Variants in PCDHGA11 observed in about 807,000 individuals in gnomAD.
PCDHGA11 encodes the protein protocadherin gamma subfamily A, 11.
Under a neutral mutation model 60.4 loss-of-function variants are expected in PCDHGA11, and 39 were observed. That is an observed-to-expected ratio of 0.65 (90% confidence interval 0.50 to 0.84). The LOEUF (loss-of-function observed/expected upper bound fraction) is 0.84. Ranked by LOEUF, PCDHGA11 falls within the 40% of genes least tolerant of loss-of-function variation. The pLI is 0.00. For synonymous variants in PCDHGA11, 533 were observed against 510.3 expected (o/e 1.04, Z -0.60); for missense variants, 1,165 against 1,197.7 (o/e 0.97, Z 0.40).
At chr5:141,453,521 T>A (rs1311886024) in intron 1 of PCDHGA11, among the ~76,000 whole-genome samples, 2 of 152,148 alleles carry the variant, frequency 1.3e-5, no homozygotes, top group Non-Finnish European at 2.9e-5. Flanking sequence ...TCCTCCCCTA[T>A]ACCTTCTGCC....
intron 1 of PCDHGA11, among the ~76,000 whole-genome samples, chr5:141,458,063 G>A (rs1011861177): frequency 1.3e-5 from 2 of 152,190 alleles, no homozygotes; most frequent in African/African-American, 4.8e-5. Context: ...CTGCACTGAT[G>A]CGAACAACTA....
At chr5:141,504,980 G>A (rs113323355) in intron 2 of PCDHGA11, among the ~76,000 whole-genome samples, 174 of 152,196 alleles carry the variant, frequency 1.1e-3, no homozygotes, top group African/African-American at 3.9e-3. Context: ...TGGCCAACAT[G>A]GTGAAACCCC....
chr5:141,438,308 C>G (rs2097949954), intron 1 of PCDHGA11, among the ~76,000 whole-genome samples: 1 of 151,766 alleles, frequency 6.6e-6, no homozygotes, highest in Non-Finnish European at 1.5e-5. Context: ...GAAGTTGGTA[C>G]CACCATAATT....
intron 1 of PCDHGA11, among the ~76,000 whole-genome samples, chr5:141,438,579 CATACATACATACATATATATAT>C (rs1356926315): frequency 3.6e-5 from 2 of 55,782 alleles, no homozygotes; most frequent in Non-Finnish European, 6.0e-5. Context: ...GATATACATA[CATACATACATACATATATATAT>C]ATATATATAT....
chr5:141,505,362 G>A (rs766427680), intron 2 of PCDHGA11, 31 bp from the exon 3 acceptor site: 1 of 1,613,966 alleles, frequency 6.2e-7, no homozygotes, highest in Non-Finnish European at 8.5e-7. Flanking sequence ...CGGCCTGGGA[G>A]TCTGTGCTCA....
chr5:141,489,467 C>G lies in PCDHGA11; in HGVS notation c.2434-5340C>G. 1 of 1,614,076 alleles carries G rather than the reference C, an allele frequency of 6.2e-7. No individual in the cohort carries two copies. The highest frequency in any genetic ancestry group is 8.5e-7 in the Non-Finnish European group (1 of 1,180,026). Reference sequence around the variant, plus strand: ...TCTGAGGAGAATGGGCGCTATTTTTCCCTGAGCTTGATGAGTGGTGCCCTG... The same window carrying G: ...TCTGAGGAGAATGGGCGCTATTTTTGCCTGAGCTTGATGAGTGGTGCCCTG... On this transcript the variant is annotated intron_variant, in intron 1 of 3. Transcript: ENST00000398587. The surrounding 1 kb of genome is among the most constrained non-coding windows in gnomAD (Gnocchi z 4.5).
intron 2 of PCDHGA11, among the ~76,000 whole-genome samples, chr5:141,498,191 A>G (rs2099782212): frequency 6.6e-6 from 1 of 152,270 alleles, no homozygotes; most frequent in African/African-American, 2.4e-5. Flanking sequence ...CAAATTAACC[A>G]GCTAAAGAAA....
In PCDHGA11 at chr5:141,505,470, C is replaced by T. The variant is rs1241228956; in HGVS notation, c.2570C>T (p.Ala857Val). Reference protein sequence around the residue: ...DTEMLQAMILASASEAADGSS... With the variant: ...DTEMLQAMILVSASEAADGSS... ...GAGATGCTGCAAGCCATGATCTTGG[C>T]GTCCGCCAGTGGTAAGTGGTGTCAG... The change falls in exon 3 of 4, where the codon GCG becomes GTG. Residue 857 changes from alanine (A) to valine (V), a missense_variant. By Grantham distance (64) the Ala-to-Val change is moderately conservative. Transcript: ENST00000398587. 2 of 1,614,068 alleles carry T rather than the reference C, an allele frequency of 1.2e-6. No individual in the cohort carries two copies. Among genetic ancestry groups the T allele is most frequent in the Non-Finnish European group, 8.5e-7 (1 of 1,180,010 alleles).
Position 141,431,938 on chromosome 5 carries a change from A to G in PCDHGA11, c.2433+8278A>G, listed in dbSNP as rs150199588. 49 of 1,614,050 alleles carry G rather than the reference A, an allele frequency of 3.0e-5. No individual in the cohort carries two copies. Among genetic ancestry groups the G allele is most frequent in the Non-Finnish European group, 3.9e-5 (46 of 1,180,026 alleles). Reference sequence around the variant, plus strand: ...TCATCCAAGGAAATCTGCCCTTTAAATTAGAAAAATCTTACGGAAATTACT... The same window carrying G: ...TCATCCAAGGAAATCTGCCCTTTAAGTTAGAAAAATCTTACGGAAATTACT... On this transcript the variant is annotated intron_variant, in intron 1 of 3. Coordinates refer to ENST00000398587, the MANE Select transcript of PCDHGA11 (RefSeq NM_018914.3). This position sits in a 1 kb window ranked among gnomAD's most constrained non-coding sequence, Gnocchi z 4.8.
At chr5:141,423,707 G>A in intron 1 of PCDHGA11, 47 bp downstream of exon 1, 1 of 1,164,238 alleles carries the variant, frequency 8.6e-7, no homozygotes, top group Non-Finnish European at 1.1e-6. Flanking sequence ...CTTGGCACAA[G>A]TCTTTTAAGG....
At chr5:141,502,666 T>C (rs962424461) in intron 2 of PCDHGA11, among the ~76,000 whole-genome samples, 10 of 152,234 alleles carry the variant, frequency 6.6e-5, no homozygotes, top group African/African-American at 2.2e-4. Context: ...CTTCATGCAA[T>C]TTTAGTATTC....
At position 141,431,017 on chromosome 5, in the gene PCDHGA11, G is replaced by A. The variant is rs768036730; in HGVS notation, c.2433+7357G>A. 2.5e-6 allele frequency: 4 copies of A among 1,613,768 alleles called. No homozygotes were observed. Among genetic ancestry groups the A allele is most frequent in the South Asian group, 1.1e-5 (1 of 91,084 alleles). ...ATCCGCGCAGCGGCAGCTTGGTCAC[G>A]GCGGGCAGGATAGACCGGGAGGAGC... On this transcript the variant is annotated intron_variant, in intron 1 of 3. Transcript: ENST00000398587. This position sits in a 1 kb window ranked among gnomAD's most constrained non-coding sequence, Gnocchi z 4.8.
chr5:141,496,146 G>T (rs749790409), intron 2 of PCDHGA11, among the ~76,000 whole-genome samples: 1 of 151,170 alleles, frequency 6.6e-6, no homozygotes, highest in South Asian at 2.1e-4. Flanking sequence ...GCCTTTGATC[G>T]CAGCTCTCCA....
intron 1 of PCDHGA11, chr5:141,478,531 C>A (rs771145308): frequency 8.1e-6 from 13 of 1,608,072 alleles, no homozygotes; most frequent in Admixed American, 5.1e-5. Context: ...GTGCAGAGAG[C>A]GCCCCTCCCG....
chr5:141,460,498 T>C (rs1028506755), intron 1 of PCDHGA11, among the ~76,000 whole-genome samples: 3 of 152,184 alleles, frequency 2.0e-5, no homozygotes, highest in African/African-American at 7.2e-5. Context: ...TGGAAAAATA[T>C]GCTGAGAAGG....
intron 1 of PCDHGA11, chr5:141,430,744 C>T: frequency 6.7e-7 from 1 of 1,498,404 alleles, no homozygotes; most frequent in Non-Finnish European, 8.9e-7. Flanking sequence ...GAAAATAATT[C>T]TGGAGGAAGA....
At position 141,423,628 on chromosome 5, in the gene PCDHGA11, AT is replaced by A. The variant is rs2096762361; in HGVS notation, c.2405del (p.Leu802Ter). ...CTTGATAGCTGAAGACTCAGCTATC[AT>A]TTTAGGCAAATGTGACCCGACAAGT... ...PLLIAEDSAI[I>X]LGKCDPTSNQ... On this transcript the variant is annotated frameshift_variant, in exon 1 of 4. Coordinates refer to ENST00000398587, the MANE Select transcript of PCDHGA11 (RefSeq NM_018914.3). LOFTEE classifies it high-confidence loss of function. 1 of 1,604,844 alleles carries A rather than the reference AT, an allele frequency of 6.2e-7. No individual in the cohort carries two copies. The highest frequency in any genetic ancestry group is 1.7e-5 in the Admixed American group (1 of 58,912).
Position 141,422,187 on chromosome 5 carries a change from T to A in PCDHGA11, c.960T>A (p.Ile320=). Residue 320 remains isoleucine (I), a synonymous_variant, in exon 1 of 4, where the codon ATT becomes ATA. Transcript: ENST00000398587. ...AATATAGATTCTATGAGATGGAAAT[T>A]CAAGGCCAAGATGGTGGAGGTCTCT... ...FEKYRFYEME[I]QGQDGGGLFT... is the part of the protein sequence containing the mutation. The A allele has an allele frequency of 6.4e-7, 1 of 1,561,762 alleles. No individual in the cohort carries two copies. Among genetic ancestry groups the A allele is most frequent in the South Asian group, 1.2e-5 (1 of 80,856 alleles).
chr5:141,422,640 C>T lies in PCDHGA11; in HGVS notation c.1413C>T (p.Ser471=). ...YIPENNPRGA[S]IFSVTALDPD... Reference sequence around the variant, plus strand: ...CCGAAAACAACCCCAGGGGTGCCTCCATCTTCTCAGTGACCGCCCTCGACC... The same window carrying T: ...CCGAAAACAACCCCAGGGGTGCCTCTATCTTCTCAGTGACCGCCCTCGACC... Residue 471 remains serine (S), a synonymous_variant, in exon 1 of 4, where the codon TCC becomes TCT. Transcript: ENST00000398587. 6.2e-7 allele frequency: 1 copy of T among 1,612,590 alleles called. No individual in the cohort carries two copies. Among genetic ancestry groups the T allele is most frequent in the South Asian group, 1.1e-5 (1 of 90,858 alleles).
Sources: gnomAD v4.1 joint callset for allele counts (sites outside exome capture counted in the v4.1 genomes callset) on GRCh38, gnomAD v4.1.1 for gene constraint, Gnocchi (gnomAD v3.1) non-coding constraint, MANE v1.5 for transcripts, NCBI Gene and HGNC (gene_info 2026-07-23, HGNC 2026-07-21) for gene names.